PHF24: variants seen among roughly 807,000 people sequenced by gnomAD.
PHF24 encodes Galpha inhibitory interacting protein.
In PHF24, 25 loss-of-function variants were observed where a neutral mutation model predicts 42.6. The observed-to-expected ratio is 0.59, with a 90% CI of 0.43 to 0.82. The LOEUF (loss-of-function observed/expected upper bound fraction) is 0.82. Among genes scored for constraint, PHF24 ranks in the 40% least tolerant of loss-of-function variants. The probability of loss-of-function intolerance (pLI) is 0.00; values close to 1 mark genes in which losing one functional copy is unlikely to be tolerated. For missense variants in PHF24, 470 were observed against 538.1 expected, an observed-to-expected ratio of 0.87 and a Z score of 1.25; for synonymous variants, 185 against 204.8, an observed-to-expected ratio of 0.90 and a Z score of 0.83.
chr9:34,782,614 A>T, the PHF24 span, among the ~76,000 whole-genome samples: 1 of 152,218 alleles, frequency 6.6e-6, no homozygotes, highest in African/African-American at 2.4e-5. Flanking sequence ...TCCAACAGCG[A>T]TATAGACTAC....
At chr9:34,781,960 GGGA>G in the PHF24 span, among the ~76,000 whole-genome samples, 1 of 152,208 alleles carries the variant, frequency 6.6e-6, no homozygotes, top group South Asian at 2.1e-4. Flanking sequence ...GTCCCCACAT[GGGA>G]GAGAAGAACC....
At chr9:34,927,023 C>T in the PHF24 span, among the ~76,000 whole-genome samples, 6 of 152,146 alleles carry the variant, frequency 3.9e-5, no homozygotes, top group Non-Finnish European at 8.8e-5. Context: ...GGGGCTGTTT[C>T]TCCGGTCCTG....
the PHF24 span, among the ~76,000 whole-genome samples, chr9:34,752,568 C>G: frequency 6.6e-6 from 1 of 152,096 alleles, no homozygotes; most frequent in Non-Finnish European, 1.5e-5. Flanking sequence ...AAGAAAAGCC[C>G]AGGACCTGAT....
chr9:34,875,638 T>C, the PHF24 span, among the ~76,000 whole-genome samples: 1 of 152,138 alleles, frequency 6.6e-6, no homozygotes. Flanking sequence ...TGGAAAAACA[T>C]ACCGTGAAAG....
chr9:34,757,141 G>A, the PHF24 span, among the ~76,000 whole-genome samples: 1 of 152,078 alleles, frequency 6.6e-6, no homozygotes, highest in Non-Finnish European at 1.5e-5. Flanking sequence ...CTGACCTCAT[G>A]AGCCACCCAC....
At chr9:34,728,230 C>T in the PHF24 span, 126 of 661,940 alleles carry the variant, frequency 1.9e-4, no homozygotes, top group South Asian at 9.9e-4. Context: ...AGTACAGCAT[C>T]GCTGTAACAC....
chr9:34,976,996 C>A, intron 5 of PHF24, 87 bp from the exon 6 acceptor site: 1 of 1,438,386 alleles, frequency 7.0e-7, no homozygotes, highest in Non-Finnish European at 9.4e-7. Flanking sequence ...AGGGAGGTTG[C>A]AAAGGTGGTA....
the PHF24 span, among the ~76,000 whole-genome samples, chr9:34,705,617 A>T: frequency 6.6e-6 from 1 of 152,228 alleles, no homozygotes; most frequent in Non-Finnish European, 1.5e-5. Context: ...TGCACCAAAA[A>T]AATTTACTGT....
At chr9:34,944,908 A>G in the PHF24 span, among the ~76,000 whole-genome samples, 3 of 150,776 alleles carry the variant, frequency 2.0e-5, no homozygotes, top group African/African-American at 7.3e-5. Flanking sequence ...AAAAAAAAGG[A>G]AAAAAAGAAA....
the PHF24 span, among the ~76,000 whole-genome samples, chr9:34,719,318 C>T: frequency 3.3e-5 from 5 of 152,202 alleles, no homozygotes; most frequent in African/African-American, 1.2e-4. Context: ...GGATTATAGG[C>T]GGGAGCCACA....
the PHF24 span, among the ~76,000 whole-genome samples, chr9:34,941,075 A>G: frequency 1.3e-5 from 2 of 152,162 alleles, no homozygotes; most frequent in South Asian, 4.1e-4. Context: ...AAAATCCCCC[A>G]GTGGGTCATT....
the PHF24 span, among the ~76,000 whole-genome samples, chr9:34,791,067 G>A: frequency 2.0e-5 from 3 of 152,204 alleles, no homozygotes; most frequent in South Asian, 2.1e-4. Context: ...ACCACTAGAC[G>A]GTTGAGCCAG....
chr9:34,708,228 T>C, the PHF24 span, among the ~76,000 whole-genome samples: 1 of 152,094 alleles, frequency 6.6e-6, no homozygotes, highest in East Asian at 1.9e-4. Flanking sequence ...ACCTGAATCC[T>C]GGGGTTCTGA....
the PHF24 span, among the ~76,000 whole-genome samples, chr9:34,884,533 A>G: frequency 1.3e-5 from 2 of 152,172 alleles, no homozygotes; most frequent in Non-Finnish European, 2.9e-5. Context: ...ACTAAAGGAT[A>G]ATGAGGCTGC....
the PHF24 span, among the ~76,000 whole-genome samples, chr9:34,849,042 A>C: frequency 6.6e-6 from 1 of 152,246 alleles, no homozygotes; most frequent in Non-Finnish European, 1.5e-5. Flanking sequence ...ATTTTGGAAT[A>C]GGTGCAGTGT....
chr9:34,851,658 T>C, the PHF24 span, among the ~76,000 whole-genome samples: 1 of 152,148 alleles, frequency 6.6e-6, no homozygotes. Flanking sequence ...ACCTGGTACC[T>C]CAAATGGAAA....
At chr9:34,744,281 T>A in the PHF24 span, among the ~76,000 whole-genome samples, 1 of 152,206 alleles carries the variant, frequency 6.6e-6, no homozygotes, top group Non-Finnish European at 1.5e-5. Context: ...GTGGCTTCAC[T>A]GGAGAATAAA....
At chr9:34,853,672 C>A in the PHF24 span, among the ~76,000 whole-genome samples, 1 of 151,726 alleles carries the variant, frequency 6.6e-6, no homozygotes, top group Non-Finnish European at 1.5e-5. Context: ...ACTAAAAATA[C>A]AAAAAATTAG....
the PHF24 span, among the ~76,000 whole-genome samples, chr9:34,683,359 C>T: frequency 2.6e-5 from 4 of 152,222 alleles, no homozygotes; most frequent in African/African-American, 9.6e-5. Flanking sequence ...CCATGCCCGG[C>T]CAAAATATAT....
Sources: gnomAD v4.1 joint callset for allele counts (sites outside exome capture counted in the v4.1 genomes callset) on GRCh38, gnomAD v4.1.1 for gene constraint, MANE v1.5 for transcripts, NCBI Gene and HGNC (gene_info 2026-07-23, HGNC 2026-07-21) for gene names.